NCAPG2: variants seen among roughly 807,000 people sequenced by gnomAD.
NCAPG2 encodes non-SMC condensin II complex subunit G2, also known as condensin-2 complex subunit G2.
In NCAPG2, 53 loss-of-function variants were observed where a neutral mutation model predicts 141.1. That is an observed-to-expected ratio of 0.38 (90% CI 0.30 to 0.47). The LOEUF is 0.47. Among genes scored for constraint, NCAPG2 ranks in the 20% least tolerant of loss-of-function variants. NCAPG2 has a pLI of 0.99. For missense variants in NCAPG2, 1,087 were observed against 1,389.0 expected (o/e 0.78, Z 3.46); for synonymous variants, 499 against 490.7 (o/e 1.02, Z -0.22).
chr7:158,645,412 A>G lies in NCAPG2; in HGVS notation c.3280+107T>C, dbSNP rs1830934722. The G allele has an allele frequency of 6.6e-6, 6 of 905,156 alleles. No individual in the cohort carries two copies. In the East Asian group the frequency reaches 1.5e-4, roughly 23 times the overall value. The allele number at this position is 905,156 out of a possible 1,614,324, so 56.1% of individuals were successfully genotyped here. A position where few individuals can be genotyped will look rare whatever the true frequency, so the allele number is the denominator to read the frequency against. ...GAGTGGAAAGGCTGGGGGACACCTG[A>G]GCTGGCCAGGAGTAGCCAAGTGCAG... On this transcript the variant is annotated intron_variant, in intron 26 of 27. Transcript: ENST00000356309.
At chr7:158,668,249 C>G (rs1176327448) in intron 13 of NCAPG2, 2 of 523,580 alleles carry the variant, frequency 3.8e-6, no homozygotes, top group African/African-American at 5.0e-5. Flanking sequence ...GCCCTCCTTA[C>G]CCACTACTGG....
Position 158,693,337 on chromosome 7 carries a change from T to A in NCAPG2, c.239A>T (p.Asn80Ile). 6.2e-7 allele frequency: 1 copy of A among 1,613,200 alleles called. No homozygotes were observed. Among genetic ancestry groups the A allele is most frequent in the Admixed American group, 1.7e-5 (1 of 59,720 alleles). ...TTTTGAGCCATGTTCGGTTTCCATA[T>A]TGTCTTCACCCTGGGCTTCCACTAC... ...WQVVEAQGED[N>I]METEHGSKMR... The change falls in exon 3 of 28, where the codon AAT becomes ATT. Residue 80 changes from asparagine to isoleucine, a missense_variant. Asn to Ile is a moderately radical substitution (Grantham distance 149, BLOSUM62 -3). Coordinates refer to ENST00000356309, the MANE Select transcript of NCAPG2 (RefSeq NM_017760.7).
At chr7:158,652,721 A>AT (rs1831576164) in intron 22 of NCAPG2, among the ~76,000 whole-genome samples, 1 of 152,244 alleles carries the variant, frequency 6.6e-6, no homozygotes, top group South Asian at 2.1e-4. Flanking sequence ...AATAACAGTA[A>AT]TAGTGTATTA....
chr7:158,678,680 T>A (rs1587244793), intron 11 of NCAPG2, among the ~76,000 whole-genome samples: 1 of 150,570 alleles, frequency 6.6e-6, no homozygotes, highest in East Asian at 2.0e-4. Context: ...AGAGCACGAC[T>A]CTGTCTCTAA....
At chr7:158,655,836 G>A (rs1344097824) in intron 19 of NCAPG2, among the ~76,000 whole-genome samples, 1 of 40,370 alleles carries the variant, frequency 2.5e-5, no homozygotes, top group East Asian at 8.5e-4. Context: ...TGGAGGAGAG[G>A]AAGAGATGAC....
chr7:158,658,101 G>A (rs1157434402), intron 17 of NCAPG2, among the ~76,000 whole-genome samples: 7 of 149,304 alleles, frequency 4.7e-5, no homozygotes, highest in African/African-American at 1.5e-4. Context: ...CTATTGTCCT[G>A]TGACCCTGCC....
At chr7:158,654,918 AT>A (rs1748645379) in intron 21 of NCAPG2, 199 bp downstream of exon 21, 1 of 1,104,750 alleles carries the variant, frequency 9.1e-7, no homozygotes, top group Non-Finnish European at 1.2e-6. Context: ...AACACCTCTT[AT>A]ATGTAATGTA....
chr7:158,665,391 A>G (rs190379951), intron 13 of NCAPG2: 5 of 152,498 alleles, frequency 3.3e-5, no homozygotes, highest in African/African-American at 4.8e-5. Flanking sequence ...GAAAGCAAGC[A>G]CCAATCTTCT....
At chr7:158,667,053 G>T in intron 13 of NCAPG2, 1 of 871,714 alleles carries the variant, frequency 1.1e-6, no homozygotes, top group Non-Finnish European at 1.4e-6. Context: ...GCTGTCCTCT[G>T]GCCAGCCAGA....
chr7:158,658,239 A>C, intron 17 of NCAPG2, 99 bp downstream of exon 17: 1 of 1,130,040 alleles, frequency 8.8e-7, no homozygotes, highest in Non-Finnish European at 1.2e-6. Flanking sequence ...CAGTGAGCTG[A>C]AAGCTAAATG....
At chr7:158,692,792 T>A (rs768958189) in intron 4 of NCAPG2, 50 bp downstream of exon 4, 48 of 1,044,742 alleles carry the variant, frequency 4.6e-5, no homozygotes, top group Non-Finnish European at 6.5e-5. Flanking sequence ...CAAAAACAAG[T>A]ATTTCAACAC....
At chr7:158,687,667 G>A (rs1834857687) in intron 6 of NCAPG2, among the ~76,000 whole-genome samples, 1 of 152,236 alleles carries the variant, frequency 6.6e-6, no homozygotes, top group African/African-American at 2.4e-5. Flanking sequence ...GCTACACTGA[G>A]CGCCTCTGTC....
intron 9 of NCAPG2, 46 bp from the exon 10 acceptor site, chr7:158,680,862 A>C: frequency 5.1e-6 from 7 of 1,364,248 alleles, no homozygotes; most frequent in Non-Finnish European, 7.1e-6. Flanking sequence ...AAAAAAATAA[A>C]TAAATAAAAT....
chr7:158,664,447 G>T, intron 14 of NCAPG2, 81 bp downstream of exon 14: 1 of 1,527,810 alleles, frequency 6.5e-7, no homozygotes, highest in South Asian at 1.2e-5. Context: ...TTATTAAATT[G>T]ACAAATACTG....
rs1433360628 is a variant in NCAPG2 at position 158,662,350 on chromosome 7, C to T, written c.1833G>A (p.Leu611=). The change falls in exon 16 of 28, where the codon CTG becomes CTA. Residue 611 remains leucine (L), a synonymous_variant. Transcript: ENST00000356309. ...KENVTVLDKT[L]SVNDVACMAG... ...CCATGCATGCAACATCGTTTACTGA[C>T]AGTGTTTTGTCCAGAACCTAAGATA... The T allele has an allele frequency of 3.2e-6, 5 of 1,585,292 alleles. No homozygotes were observed. Among genetic ancestry groups the T allele is most frequent in the Middle Eastern group, 1.7e-4 (1 of 6,036 alleles).
At chr7:158,659,003 C>G (rs1477036178) in intron 16 of NCAPG2, among the ~76,000 whole-genome samples, 1 of 146,822 alleles carries the variant, frequency 6.8e-6, no homozygotes, top group Non-Finnish European at 1.5e-5. Flanking sequence ...TCACTCCAGC[C>G]TGGGCAACAG....
intron 13 of NCAPG2, chr7:158,665,210 C>G (rs1451839014): frequency 6.1e-6 from 1 of 165,122 alleles, no homozygotes; most frequent in Admixed American, 5.7e-5. Flanking sequence ...CCTGTCCCAT[C>G]CACAGTTGAC....
At chr7:158,649,224 G>A (rs1831297085) in intron 24 of NCAPG2, among the ~76,000 whole-genome samples, 1 of 151,916 alleles carries the variant, frequency 6.6e-6, no homozygotes. Context: ...AAAATTGACA[G>A]AACAAATGAA....
chr7:158,672,570 T>C (rs1833809516), intron 12 of NCAPG2, among the ~76,000 whole-genome samples: 1 of 151,864 alleles, frequency 6.6e-6, no homozygotes, highest in Admixed American at 6.6e-5. Context: ...CTCGATCTCC[T>C]GACCTCGTGA....
Sources: allele counts gnomAD v4.1 joint callset (sites outside exome capture counted in the v4.1 genomes callset), GRCh38; gene constraint gnomAD v4.1.1; transcripts MANE v1.5; gene names NCBI Gene and HGNC (gene_info 2026-07-23, HGNC 2026-07-21).